Variants in ANO4 observed in about 807,000 individuals in gnomAD.
ANO4 encodes anoctamin-4.
In ANO4, 69 loss-of-function variants were observed where a neutral mutation model predicts 141.9. The observed-to-expected ratio is 0.49, with a 90% CI of 0.40 to 0.59. The LOEUF is 0.59. Among genes scored for constraint, ANO4 ranks in the 20% least tolerant of loss-of-function variants. The pLI is 0.00. For missense variants in ANO4, 894 were observed against 1,162.2 expected, an observed-to-expected ratio of 0.77 and a Z score of 3.36; for synonymous variants, 350 against 394.3, an observed-to-expected ratio of 0.89 and a Z score of 1.33.
chr12:101,009,552 T>C (rs1020431189), intron 8 of ANO4, among the ~76,000 whole-genome samples: 1 of 152,172 alleles, frequency 6.6e-6, no homozygotes, highest in African/African-American at 2.4e-5. Flanking sequence ...ACTTCTAAAA[T>C]TAATATTCAA....
intron 3 of ANO4, among the ~76,000 whole-genome samples, chr12:100,784,347 C>G (rs1565873416): frequency 6.6e-6 from 1 of 152,182 alleles, no homozygotes; most frequent in African/African-American, 2.4e-5. Flanking sequence ...CCCTTGTCCC[C>G]TTTTGGAACA....
intron 14 of ANO4, among the ~76,000 whole-genome samples, chr12:101,076,368 C>T (rs916260786): frequency 3.3e-5 from 5 of 152,116 alleles, no homozygotes; most frequent in Non-Finnish European, 5.9e-5. Flanking sequence ...TCTGCTGGTG[C>T]CTTGATCTTA....
rs994807732 is a variant in ANO4 at position 101,048,532 on chromosome 12, G to A, written c.1312+131G>A. The A allele has an allele frequency of 6.1e-5, 46 of 757,044 alleles. 1 individual carries two copies. In the South Asian group the frequency reaches 9.1e-4, roughly 15 times the overall value. 46.9% of individuals were successfully genotyped at this position (757,044 alleles called of 1,614,324 possible). ...GAATTAGCTTTCCTATTAGTAGAAA[G>A]TTGGTAAATAATTTATTGGGTTTAT... On this transcript the variant is annotated intron_variant, in intron 14 of 27. Transcript: ENST00000392977.
rs1418097576 is a variant in ANO4, at chr12:101,037,161, GTCTTTAA to G, written c.897+18_897+24del. The G allele has an allele frequency of 1.9e-6, 3 of 1,612,108 alleles. No individual in the cohort carries two copies. The highest frequency in any genetic ancestry group is 2.2e-5 in the South Asian group (2 of 90,786). On this transcript the variant is annotated intron_variant, in intron 10 of 27. Transcript: ENST00000392977. ...TTTCCCCTGCATGAGGTATTGTGCTGTCTTTAATCTTTATCTTTCTTTCAATCGTTTG... is the reference window on the plus strand; with the variant it reads ...TTTCCCCTGCATGAGGTATTGTGCTGTCTTTATCTTTCTTTCAATCGTTTG...
chr12:100,740,521 C>T (rs931543329), intron 3 of ANO4, among the ~76,000 whole-genome samples: 2 of 152,102 alleles, frequency 1.3e-5, no homozygotes, highest in Non-Finnish European at 2.9e-5. Context: ...TGTCATATGG[C>T]TTTAATTTAT....
chr12:100,834,899 T>C (rs1216117190), intron 1 of ANO4, among the ~76,000 whole-genome samples: 1 of 152,018 alleles, frequency 6.6e-6, no homozygotes, highest in African/African-American at 2.4e-5. Flanking sequence ...CAAACACAGG[T>C]GCATGTGTTC....
At chr12:101,023,889 G>A (rs1017291981) in intron 9 of ANO4, among the ~76,000 whole-genome samples, 1 of 152,126 alleles carries the variant, frequency 6.6e-6, no homozygotes, top group Non-Finnish European at 1.5e-5. Flanking sequence ...TTAATTTCTT[G>A]ATAGAACTAA....
chr12:101,044,840 A>T (rs564993830), intron 13 of ANO4, among the ~76,000 whole-genome samples: 1 of 152,336 alleles, frequency 6.6e-6, no homozygotes, highest in South Asian at 2.1e-4. Context: ...ACCTGAGTGG[A>T]TAAGGATAAA....
At chr12:100,987,281 A>G (rs985272076) in intron 7 of ANO4, 3 of 408,098 alleles carry the variant, frequency 7.4e-6, no homozygotes, top group African/African-American at 6.0e-5. Context: ...GTCATTTATT[A>G]TTGGCATGTG....
chr12:101,017,180 G>A (rs575584476), intron 8 of ANO4, among the ~76,000 whole-genome samples: 45 of 152,320 alleles, frequency 3.0e-4, no homozygotes, highest in Non-Finnish European at 6.0e-4. Context: ...AGGAGGCCTT[G>A]CAATCATGGT....
chr12:100,924,194 T>C (rs149905476), intron 3 of ANO4, among the ~76,000 whole-genome samples: 5,310 of 152,284 alleles, frequency 0.035, 136 homozygotes, highest in Non-Finnish European at 0.05. Context: ...TTTGATGTTT[T>C]AGTCATGAAG....
chr12:100,973,292 TCTC>T (rs1043093168), intron 6 of ANO4, among the ~76,000 whole-genome samples: 25 of 152,200 alleles, frequency 1.6e-4, no homozygotes, highest in African/African-American at 5.8e-4. Context: ...AAGGAGGAAT[TCTC>T]CTACTACATC....
chr12:100,964,668 G>C (rs191836930), intron 5 of ANO4, among the ~76,000 whole-genome samples: 1 of 152,124 alleles, frequency 6.6e-6, no homozygotes, highest in South Asian at 2.1e-4. Flanking sequence ...AAATTGAAAC[G>C]TCAAGCATAT....
intron 3 of ANO4, among the ~76,000 whole-genome samples, chr12:100,933,174 G>T (rs550195578): frequency 1.6e-4 from 24 of 151,814 alleles, no homozygotes; most frequent in African/African-American, 5.3e-4. Flanking sequence ...CAACGTGCAG[G>T]TTTGATACAT....
At chr12:100,827,444 T>G (rs868132522) in intron 1 of ANO4, among the ~76,000 whole-genome samples, 4 of 152,184 alleles carry the variant, frequency 2.6e-5, no homozygotes, top group Non-Finnish European at 4.4e-5. Flanking sequence ...TAACAGCTTA[T>G]ATTTTAAATT....
At chr12:101,110,602 G>T in intron 23 of ANO4, 46 bp downstream of exon 23, 3 of 1,427,404 alleles carry the variant, frequency 2.1e-6, no homozygotes, top group South Asian at 1.7e-5. Flanking sequence ...TTAAACATCT[G>T]GTGGATAAAA....
chr12:100,724,606 C>T (rs4764750), intron 1 of ANO4, among the ~76,000 whole-genome samples: 100,023 of 152,100 alleles, frequency 0.66, 33,664 homozygotes, highest in African/African-American at 0.79. Flanking sequence ...AAAAGCTCTT[C>T]CCAGTGGAAA....
At chr12:101,073,695 C>T (rs181512537) in intron 14 of ANO4, among the ~76,000 whole-genome samples, 104 of 152,012 alleles carry the variant, frequency 6.8e-4, no homozygotes, top group Middle Eastern at 3.4e-3. Context: ...GTCTGTGATT[C>T]TGAACCAAGA....
intron 2 of ANO4, among the ~76,000 whole-genome samples, chr12:100,911,890 A>T (rs2041117217): frequency 6.6e-6 from 1 of 152,222 alleles, no homozygotes; most frequent in Non-Finnish European, 1.5e-5. Context: ...CAATCTTTAG[A>T]ATAACGATCA....
Sources: allele counts gnomAD v4.1 joint callset (sites outside exome capture counted in the v4.1 genomes callset), GRCh38; gene constraint gnomAD v4.1.1; transcripts MANE v1.5; gene names NCBI Gene and HGNC (gene_info 2026-07-23, HGNC 2026-07-21).